CROT: variants seen among roughly 807,000 people sequenced by gnomAD.
CROT encodes carnitine O-octanoyltransferase.
In CROT, 84 loss-of-function variants were observed where a neutral mutation model predicts 89.2. The observed-to-expected ratio is 0.94, with a 90% confidence interval of 0.79 to 1.13. CROT has a LOEUF of 1.13. Ranked by LOEUF, CROT falls within the 50% of genes most tolerant of loss-of-function variation. The pLI, the probability that CROT is intolerant of heterozygous loss-of-function variation, is 0.00. For missense variants in CROT, 711 were observed against 727.8 expected (o/e 0.98, Z 0.27); for synonymous variants, 212 against 239.5 (o/e 0.89, Z 1.06).
At chr7:87,381,711 C>CT (rs947353434) in intron 10 of CROT, among the ~76,000 whole-genome samples, 199 bp from the exon 11 acceptor site, 1 of 152,114 alleles carries the variant, frequency 6.6e-6, no homozygotes, top group African/African-American at 2.4e-5. Context: ...ATTTAAACAA[C>CT]TTTTTTTCCA....
chr7:87,384,654 T>C (rs1176884178), intron 13 of CROT, among the ~76,000 whole-genome samples: 2 of 152,234 alleles, frequency 1.3e-5, no homozygotes, highest in Non-Finnish European at 2.9e-5. Flanking sequence ...AGTTTGCAGA[T>C]ATTTTCTCCC....
Position 87,375,917 on chromosome 7 carries a change from T to A in CROT, c.840T>A (p.Asp280Glu), listed in dbSNP as rs1194829416. The A allele has an allele frequency of 6.2e-7, 1 of 1,613,198 alleles. No individual in the cohort carries two copies. Among genetic ancestry groups the A allele is most frequent in the East Asian group, 2.2e-5 (1 of 44,844 alleles). ...QSSLLVYSME[D>E]SSPHVTPEDY... ...GTTTACTGGTATATTCCATGGAGGA[T>A]AGCAGTCCACATGTAACACCAGAGG... The change falls in exon 9 of 18, where the codon GAT becomes GAA. Residue 280 changes from aspartate to glutamate, a missense_variant. Transcript: ENST00000331536.
chr7:87,393,211 T>A, intron 17 of CROT, 144 bp downstream of exon 17: 1 of 873,354 alleles, frequency 1.1e-6, no homozygotes, highest in Non-Finnish European at 1.7e-6. Flanking sequence ...CACTTAGGCA[T>A]TTAATGCATA....
Position 87,361,498 on chromosome 7 carries a change from A to G in CROT, c.349A>G (p.Lys117Glu), listed in dbSNP as rs760228295. ...TCATTTTGAACACTACTGGCCTCCA[A>G]AGGAAGGGACTCAATTAGAAAGAGG... ...AAHFEHYWPP[K>E]EGTQLERGSI... Residue 117 changes from lysine to glutamate, a missense_variant, in exon 5 of 18, where the codon AAG becomes GAG. Coordinates refer to ENST00000331536, the MANE Select transcript of CROT (RefSeq NM_021151.4). 1.3e-5 allele frequency: 21 copies of G among 1,612,964 alleles called. No homozygotes were observed. Among genetic ancestry groups the G allele is most frequent in the Non-Finnish European group, 1.7e-5 (20 of 1,179,808 alleles).
chr7:87,398,233 GT>G, intron 17 of CROT: 2 of 546,974 alleles, frequency 3.7e-6, no homozygotes, highest in Non-Finnish European at 6.9e-6. Flanking sequence ...TAGGAAGGAG[GT>G]TTTTTGTTCT....
intron 6 of CROT, among the ~76,000 whole-genome samples, chr7:87,368,918 C>A (rs1285325131): frequency 6.6e-6 from 1 of 152,174 alleles, no homozygotes; most frequent in Non-Finnish European, 1.5e-5. Flanking sequence ...ATACTGTATC[C>A]TTTTCTACTG....
chr7:87,385,558 T>C (rs1807160110), intron 13 of CROT, among the ~76,000 whole-genome samples: 1 of 152,228 alleles, frequency 6.6e-6, no homozygotes, highest in South Asian at 2.1e-4. Flanking sequence ...GCAACTTTAC[T>C]GAATTTGTTT....
intron 14 of CROT, among the ~76,000 whole-genome samples, chr7:87,392,121 C>A (rs1430511862): frequency 6.6e-6 from 1 of 152,072 alleles, no homozygotes; most frequent in African/African-American, 2.4e-5. Flanking sequence ...TTGTTTCATA[C>A]TCTTTTTTTT....
intron 3 of CROT, among the ~76,000 whole-genome samples, chr7:87,351,924 T>C (rs1459034669): frequency 1.3e-5 from 2 of 152,240 alleles, no homozygotes; most frequent in African/African-American, 4.8e-5. Flanking sequence ...ATGTAACATA[T>C]GACTGTTTAC....
intron 7 of CROT, among the ~76,000 whole-genome samples, chr7:87,373,742 G>A (rs962915910): frequency 1.3e-5 from 2 of 151,942 alleles, no homozygotes; most frequent in African/African-American, 2.4e-5. Flanking sequence ...AGAAGTAGAC[G>A]AGATTACCAA....
intron 6 of CROT, among the ~76,000 whole-genome samples, chr7:87,363,709 C>G (rs1478441615): frequency 6.6e-6 from 1 of 152,104 alleles, no homozygotes; most frequent in Non-Finnish European, 1.5e-5. Context: ...ATGATGTGAC[C>G]AGATTTATGC....
chr7:87,367,544 C>G (rs1806484888), intron 6 of CROT, among the ~76,000 whole-genome samples: 1 of 152,160 alleles, frequency 6.6e-6, no homozygotes, highest in Non-Finnish European at 1.5e-5. Context: ...TATACTGATT[C>G]AAATATTTGC....
rs772364247 is a variant in CROT, at chr7:87,361,418, A to G, written c.269A>G (p.Tyr90Cys). Residue 90 changes from tyrosine (Y) to cysteine (C), a missense_variant, in exon 5 of 18, where the codon TAT (tyrosine) becomes TGT (cysteine). Tyr to Cys is a radical substitution (Grantham distance 194). Coordinates refer to ENST00000331536, the MANE Select transcript of CROT (RefSeq NM_021151.4). ...WLEEWWLNVAYLDVRIPSQLN... is the reference protein window; with the variant it reads ...WLEEWWLNVACLDVRIPSQLN... ...GAAGAGTGGTGGCTGAATGTTGCCT[A>G]TCTGGATGTTCGTATACCATCACAA... is the stretch of plus-strand genomic sequence containing the variant. The G allele has an allele frequency of 2.5e-6, 4 of 1,613,940 alleles. No homozygotes were observed. The highest frequency in any genetic ancestry group is 3.4e-6 in the Non-Finnish European group (4 of 1,179,958).
At chr7:87,392,521 T>C in intron 14 of CROT, 45 bp from the exon 15 acceptor site, 1 of 1,499,234 alleles carries the variant, frequency 6.7e-7, no homozygotes, top group South Asian at 1.2e-5. Flanking sequence ...TCTAGTTGGG[T>C]TTTGCACAGT....
chr7:87,349,442 G>A (rs988370183), intron 3 of CROT, among the ~76,000 whole-genome samples: 5 of 152,148 alleles, frequency 3.3e-5, no homozygotes, highest in Admixed American at 6.5e-5. Flanking sequence ...GGGTCTTATC[G>A]ATGTAAAGAC....
chr7:87,386,855 C>T (rs1162842734), intron 13 of CROT, among the ~76,000 whole-genome samples: 1 of 152,116 alleles, frequency 6.6e-6, no homozygotes, highest in African/African-American at 2.4e-5. Flanking sequence ...CCCATTGTCT[C>T]TGGCTGCCTT....
At position 87,375,684 on chromosome 7, in the gene CROT, A is replaced by T. The variant is rs1197668984; in HGVS notation, c.709A>T (p.Ile237Phe). The change falls in exon 8 of 18, where the codon ATT becomes TTT. Residue 237 changes from isoleucine to phenylalanine, a missense_variant. Ile to Phe is a conservative substitution (Grantham distance 21). Coordinates refer to ENST00000331536, the MANE Select transcript of CROT (RefSeq NM_021151.4). ...CCATAGTGAACCTGATGGACCTGGG[A>T]TTGCAGCATTAACTAGTGAGGAGCG... ...KCHSEPDGPG[I>F]AALTSEERTR... 1.2e-6 allele frequency: 2 copies of T among 1,613,562 alleles called. No individual in the cohort carries two copies. Among genetic ancestry groups the T allele is most frequent in the South Asian group, 2.2e-5 (2 of 91,078 alleles).
At chr7:87,379,198 A>G (rs1197551977) in intron 10 of CROT, among the ~76,000 whole-genome samples, 2 of 152,136 alleles carry the variant, frequency 1.3e-5, no homozygotes, top group African/African-American at 4.8e-5. Flanking sequence ...CTCTGCATAC[A>G]TATTTTGACA....
chr7:87,374,665 A>T (rs539538461), intron 7 of CROT, among the ~76,000 whole-genome samples: 2 of 152,160 alleles, frequency 1.3e-5, no homozygotes, highest in African/African-American at 4.8e-5. Context: ...GTTCCTCAGG[A>T]CACCATTAAT....
Sources: allele counts gnomAD v4.1 joint callset (sites outside exome capture counted in the v4.1 genomes callset), GRCh38; gene constraint gnomAD v4.1.1; transcripts MANE v1.5; gene names NCBI Gene and HGNC (gene_info 2026-07-23, HGNC 2026-07-21).